Variants in CADM2 observed in about 807,000 individuals in gnomAD.
CADM2 encodes immunoglobulin superfamily member 4D.
CADM2 carries 12 observed loss-of-function variants against 49.8 expected under a neutral mutation model. The ratio of observed to expected loss-of-function variants is 0.24; its 90% CI spans 0.15 to 0.39. CADM2 has a LOEUF of 0.39. Ranked by LOEUF, CADM2 falls within the 10% of genes least tolerant of loss-of-function variation. The pLI is 1.00. For synonymous variants in CADM2, 214 were observed against 175.4 expected (o/e 1.22, Z -1.74); for missense variants, 378 against 492.3 (o/e 0.77, Z 2.20).
intron 1 of CADM2, among the ~76,000 whole-genome samples, chr3:84,965,609 T>C (rs2107060708): frequency 6.6e-6 from 1 of 152,256 alleles, no homozygotes; most frequent in East Asian, 1.9e-4. Flanking sequence ...GGAACATAGG[T>C]CAGTTTAATG....
chr3:85,170,818 GTCTTGGTTAAGT>G (rs1335932248), intron 1 of CADM2, among the ~76,000 whole-genome samples: 7 of 152,198 alleles, frequency 4.6e-5, no homozygotes, highest in Non-Finnish European at 1.0e-4. Context: ...GGTTGTGAGA[GTCTTGGTTAAGT>G]TCCTATATAG....
intron 1 of CADM2, among the ~76,000 whole-genome samples, chr3:85,513,389 C>A (rs1027071338): frequency 1.3e-5 from 2 of 151,874 alleles, no homozygotes; most frequent in African/African-American, 4.8e-5. Context: ...GACCCATCGT[C>A]ATTCATTTAT....
chr3:86,025,625 A>C (rs1559809047), intron 8 of CADM2, among the ~76,000 whole-genome samples: 1 of 152,194 alleles, frequency 6.6e-6, no homozygotes, highest in Non-Finnish European at 1.5e-5. Flanking sequence ...AAGGTGGCGT[A>C]TAGTGAGATA....
At chr3:85,767,518 G>T (rs1272990262) in intron 2 of CADM2, among the ~76,000 whole-genome samples, 1 of 152,096 alleles carries the variant, frequency 6.6e-6, no homozygotes, top group Non-Finnish European at 1.5e-5. Context: ...AATACATGAA[G>T]TTTTCTTCTC....
intron 1 of CADM2, among the ~76,000 whole-genome samples, chr3:85,699,077 C>T (rs1332536118): frequency 6.6e-6 from 1 of 152,174 alleles, no homozygotes; most frequent in Non-Finnish European, 1.5e-5. Context: ...CATGTAAATC[C>T]AAAGCCTGGG....
At chr3:85,325,688 CAAAAA>C (rs35096319) in intron 1 of CADM2, among the ~76,000 whole-genome samples, 6 of 92,692 alleles carry the variant, frequency 6.5e-5, no homozygotes, top group African/African-American at 1.4e-4. Flanking sequence ...AAGACTCCAT[CAAAAA>C]AAAAAAAAAA....
intron 1 of CADM2, among the ~76,000 whole-genome samples, chr3:85,051,750 C>T (rs6768559): frequency 0.73 from 111,665 of 152,038 alleles, 42,094 homozygotes; most frequent in African/African-American, 0.89. Context: ...TTTGTCAAAT[C>T]ATTTCTTTTC....
chr3:85,554,182 A>G (rs1370485073), intron 1 of CADM2, among the ~76,000 whole-genome samples: 1 of 152,104 alleles, frequency 6.6e-6, no homozygotes, highest in Admixed American at 6.6e-5. Flanking sequence ...TCCACCCCAC[A>G]TCATCAGGCA....
intron 5 of CADM2, among the ~76,000 whole-genome samples, chr3:85,898,469 AC>A (rs1287077023): frequency 7.3e-5 from 11 of 151,702 alleles, no homozygotes; most frequent in Non-Finnish European, 5.9e-5. Flanking sequence ...CCCACTCTCT[AC>A]CTCAGTCCCA....
intron 1 of CADM2, among the ~76,000 whole-genome samples, chr3:85,103,712 G>C (rs182301620): frequency 5.9e-5 from 9 of 152,206 alleles, no homozygotes; most frequent in African/African-American, 9.6e-5. Context: ...ATCTGGCAAG[G>C]GGGGAGGCAT....
intron 1 of CADM2, among the ~76,000 whole-genome samples, chr3:85,620,688 A>T (rs1456732815): frequency 5.3e-5 from 8 of 152,132 alleles, no homozygotes; most frequent in Non-Finnish European, 5.9e-5. Flanking sequence ...TGCAATCCTT[A>T]AAACATCTTT....
At chr3:85,715,681 G>T (rs1366379682) in intron 1 of CADM2, among the ~76,000 whole-genome samples, 1 of 152,006 alleles carries the variant, frequency 6.6e-6, no homozygotes, top group African/African-American at 2.4e-5. Context: ...ACAGACCCCA[G>T]TGTGTGATGT....
In CADM2 at chr3:85,526,920, G is replaced by T. The variant is rs76678141; in HGVS notation, c.62-199602G>T. ...ATGAGTAAGAATTTGTTTAGGATTT[G>T]AACACAATTCAGTTTTAATCTGTGA... On this transcript the variant is annotated intron_variant, in intron 1 of 9. Coordinates refer to ENST00000383699, the MANE Select transcript of CADM2 (RefSeq NM_001167675.2). 7.2e-3 allele frequency among the ~76,000 whole-genome samples: 1,101 copies of T among 152,260 alleles called. 19 individuals carry two copies. Among genetic ancestry groups the T allele is most frequent in the African/African-American group, 0.026 (1,069 of 41,542 alleles).
intron 3 of CADM2, among the ~76,000 whole-genome samples, chr3:85,819,942 A>AAG (rs2073449281): frequency 2.0e-5 from 3 of 152,092 alleles, no homozygotes; most frequent in Non-Finnish European, 4.4e-5. Context: ...AAACTTGGGG[A>AAG]AGAGAGATAA....
intron 1 of CADM2, among the ~76,000 whole-genome samples, chr3:85,581,548 T>A (rs936373828): frequency 4.6e-5 from 7 of 152,276 alleles, no homozygotes; most frequent in Admixed American, 2.6e-4. Context: ...AAAAGTATAT[T>A]TTTTTCTTTT....
intron 1 of CADM2, among the ~76,000 whole-genome samples, chr3:85,034,575 T>C (rs1228783929): frequency 6.6e-6 from 1 of 152,122 alleles, no homozygotes; most frequent in Non-Finnish European, 1.5e-5. Context: ...TGCAGATATC[T>C]CTGACGTATT....
chr3:85,744,707 A>G (rs1399986077), intron 2 of CADM2, among the ~76,000 whole-genome samples: 2 of 152,082 alleles, frequency 1.3e-5, no homozygotes, highest in Non-Finnish European at 2.9e-5. Flanking sequence ...TATGCTTGCC[A>G]TGCTTAAGGA....
intron 6 of CADM2, among the ~76,000 whole-genome samples, chr3:85,935,475 T>C (rs1721094959): frequency 6.6e-6 from 1 of 152,060 alleles, no homozygotes; most frequent in Non-Finnish European, 1.5e-5. Context: ...TATGAAATGC[T>C]TGATATTCAT....
At chr3:85,903,405 T>G (rs561869050) in intron 5 of CADM2, among the ~76,000 whole-genome samples, 54 of 152,194 alleles carry the variant, frequency 3.5e-4, no homozygotes, top group African/African-American at 1.3e-3. Context: ...TCTCTTAGAT[T>G]TTGTTTACCT....
Sources: gnomAD v4.1 joint callset for allele counts (sites outside exome capture counted in the v4.1 genomes callset) on GRCh38, gnomAD v4.1.1 for gene constraint, MANE v1.5 for transcripts, NCBI Gene and HGNC (gene_info 2026-07-23, HGNC 2026-07-21) for gene names.